The following FOXN3 variants were observed in gnomAD, a reference collection of about 807,000 sequenced individuals.
FOXN3 encodes forkhead box protein N3.
Under a neutral mutation model 38.4 loss-of-function variants are expected in FOXN3, and 7 were observed. The ratio of observed to expected loss-of-function variants is 0.18; its 90% CI spans 0.10 to 0.34. The LOEUF (loss-of-function observed/expected upper bound fraction) is 0.34, where lower values mean the gene tolerates loss of function less well. FOXN3 is among the 10% of genes least tolerant of loss of function. FOXN3 has a pLI of 1.00. For missense variants in FOXN3, 456 were observed against 613.4 expected (o/e 0.74, Z 2.71); for synonymous variants, 230 against 242.2 (o/e 0.95, Z 0.47).
intron 1 of FOXN3, among the ~76,000 whole-genome samples, chr14:89,499,455 T>C (rs1893751594): frequency 6.6e-6 from 1 of 150,398 alleles, no homozygotes; most frequent in Non-Finnish European, 1.5e-5. Context: ...TGGGAATGTC[T>C]TTTGATTTTG....
chr14:89,327,677 T>C (rs940423278), intron 3 of FOXN3, among the ~76,000 whole-genome samples: 2 of 152,242 alleles, frequency 1.3e-5, no homozygotes, highest in Non-Finnish European at 2.9e-5. Context: ...CTCAAAGTGT[T>C]GCTAGGCTTC....
intron 4 of FOXN3, among the ~76,000 whole-genome samples, chr14:89,214,346 G>A (rs1477380395): frequency 2.6e-5 from 4 of 152,206 alleles, no homozygotes; most frequent in Admixed American, 6.5e-5. Context: ...CTCCTGCACC[G>A]TGCGGATGAC....
intron 1 of FOXN3, among the ~76,000 whole-genome samples, chr14:89,535,204 C>CTTTTTT (rs11455930): frequency 6.9e-6 from 1 of 145,092 alleles, no homozygotes. Flanking sequence ...TTTCTTTCCT[C>CTTTTTT]TTTTTTTTTT....
At chr14:89,253,174 C>T (rs1464867802) in intron 4 of FOXN3, among the ~76,000 whole-genome samples, 2 of 152,190 alleles carry the variant, frequency 1.3e-5, no homozygotes, top group East Asian at 3.9e-4. Flanking sequence ...TGATGCGAAA[C>T]AGCCTGCACC....
intron 3 of FOXN3, among the ~76,000 whole-genome samples, chr14:89,340,260 T>C (rs369810162): frequency 3.9e-5 from 6 of 152,304 alleles, no homozygotes; most frequent in African/African-American, 1.4e-4. Flanking sequence ...GAGAGACATA[T>C]GTTGGAATAA....
chr14:89,405,595 C>G (rs1009428479), intron 2 of FOXN3, among the ~76,000 whole-genome samples: 6 of 152,146 alleles, frequency 3.9e-5, no homozygotes, highest in Non-Finnish European at 7.3e-5. Flanking sequence ...TCCTATGAGG[C>G]AGGGGGCTCA....
At chr14:89,370,178 C>T in intron 2 of FOXN3, among the ~76,000 whole-genome samples, 1 of 152,180 alleles carries the variant, frequency 6.6e-6, no homozygotes. Flanking sequence ...CATGTGACCA[C>T]ATATGCAGAA....
intron 1 of FOXN3, among the ~76,000 whole-genome samples, chr14:89,498,206 CTCTCTTTTTT>C (rs1214983899): frequency 2.3e-5 from 3 of 133,016 alleles, no homozygotes; most frequent in East Asian, 4.2e-4. Flanking sequence ...CTCTCTCTCT[CTCTCTTTTTT>C]TTTTTTTTTT....
chr14:89,451,765 C>T (rs1302122210), intron 1 of FOXN3, among the ~76,000 whole-genome samples: 2 of 152,076 alleles, frequency 1.3e-5, no homozygotes, highest in African/African-American at 4.8e-5. Flanking sequence ...TTGTTGAAGT[C>T]TTGTGTGTAT....
At chr14:89,540,175 A>C (rs1233004043) in intron 1 of FOXN3, among the ~76,000 whole-genome samples, 1 of 152,240 alleles carries the variant, frequency 6.6e-6, no homozygotes, top group African/African-American at 2.4e-5. Flanking sequence ...TGTGAAATTT[A>C]CAGCAGACTT....
intron 1 of FOXN3, among the ~76,000 whole-genome samples, chr14:89,458,521 C>T (rs1301965548): frequency 2.0e-5 from 3 of 152,202 alleles, no homozygotes; most frequent in Non-Finnish European, 4.4e-5. Context: ...TTTTACAATG[C>T]AGTTCTCAGG....
intron 1 of FOXN3, among the ~76,000 whole-genome samples, chr14:89,578,902 C>T (rs1418518390): frequency 6.6e-6 from 1 of 152,214 alleles, no homozygotes; most frequent in East Asian, 1.9e-4. Flanking sequence ...GGCAGGAGTG[C>T]AGTGGCACTA....
At chr14:89,446,505 T>A (rs556332406) in intron 1 of FOXN3, among the ~76,000 whole-genome samples, 1 of 152,294 alleles carries the variant, frequency 6.6e-6, no homozygotes, top group South Asian at 2.1e-4. Flanking sequence ...GTCACTTTTT[T>A]AAGAAATTAC....
At chr14:89,578,106 T>C (rs565837549) in intron 1 of FOXN3, among the ~76,000 whole-genome samples, 1 of 152,334 alleles carries the variant, frequency 6.6e-6, no homozygotes, top group Non-Finnish European at 1.5e-5. Context: ...AAAAATGCCA[T>C]GGCAATTTGA....
At chr14:89,562,426 AT>A (rs1374497614) in intron 1 of FOXN3, among the ~76,000 whole-genome samples, 1 of 151,872 alleles carries the variant, frequency 6.6e-6, no homozygotes, top group Non-Finnish European at 1.5e-5. Flanking sequence ...TGCCCAGCTA[AT>A]TTTTGTATTT....
intron 5 of FOXN3, among the ~76,000 whole-genome samples, chr14:89,175,859 G>A (rs1394022451): frequency 6.6e-6 from 1 of 152,128 alleles, no homozygotes; most frequent in Admixed American, 6.5e-5. Flanking sequence ...GATCCAGGGA[G>A]GTTGCTGTGA....
At chr14:89,189,733 G>A (rs1334558782) in intron 4 of FOXN3, among the ~76,000 whole-genome samples, 1 of 152,192 alleles carries the variant, frequency 6.6e-6, no homozygotes, top group Non-Finnish European at 1.5e-5. Context: ...GAGAAGAGAA[G>A]TCTCAGTAAG....
chr14:89,171,244 T>G (rs183339059), intron 5 of FOXN3, among the ~76,000 whole-genome samples: 1 of 152,220 alleles, frequency 6.6e-6, no homozygotes, highest in Non-Finnish European at 1.5e-5. Flanking sequence ...AAAAGGAAAT[T>G]TAAAAACACA....
At chr14:89,606,624 C>T (rs1046443727) in intron 1 of FOXN3, among the ~76,000 whole-genome samples, 7 of 152,064 alleles carry the variant, frequency 4.6e-5, no homozygotes, top group East Asian at 1.9e-4. Context: ...CCGAGGTAGG[C>T]GGAGCACCTG....
Sources: allele counts gnomAD v4.1 joint callset (sites outside exome capture counted in the v4.1 genomes callset), GRCh38; gene constraint gnomAD v4.1.1; transcripts MANE v1.5; gene names NCBI Gene and HGNC (gene_info 2026-07-23, HGNC 2026-07-21).